The following BCKDHB variants were observed in gnomAD, a reference collection of about 807,000 sequenced individuals.
BCKDHB encodes branched chain keto acid dehydrogenase E1 subunit beta, also known as 2-oxoisovalerate dehydrogenase subunit beta, mitochondrial.
Under a neutral mutation model 48.5 loss-of-function variants are expected in BCKDHB, and 41 were observed. That is an observed-to-expected ratio of 0.85 (90% CI 0.66 to 1.10). The LOEUF (loss-of-function observed/expected upper bound fraction) is 1.10. Ranked by LOEUF, BCKDHB falls within the 50% of genes least tolerant of loss-of-function variation. The probability of loss-of-function intolerance (pLI) is 0.00; values close to 1 mark genes in which losing one functional copy is unlikely to be tolerated. For missense variants in BCKDHB, 496 were observed against 494.2 expected (o/e 1.00, Z -0.03); for synonymous variants, 201 against 174.8 (o/e 1.15, Z -1.18).
At chr6:80,215,110 G>T (rs1355087435) in intron 8 of BCKDHB, among the ~76,000 whole-genome samples, 1 of 152,152 alleles carries the variant, frequency 6.6e-6, no homozygotes, top group Non-Finnish European at 1.5e-5. Context: ...AGATCTGTTA[G>T]ACTTAAATGC....
intron 3 of BCKDHB, among the ~76,000 whole-genome samples, chr6:80,145,140 A>G (rs1166032343): frequency 1.3e-5 from 2 of 152,176 alleles, no homozygotes; most frequent in African/African-American, 2.4e-5. Flanking sequence ...ATTTGATCCA[A>G]CTGTTAGCAT....
intron 8 of BCKDHB, among the ~76,000 whole-genome samples, chr6:80,229,339 T>C (rs1775811188): frequency 6.6e-6 from 1 of 152,210 alleles, no homozygotes; most frequent in African/African-American, 2.4e-5. Context: ...TGACCACTGC[T>C]CTCAGGTGGT....
chr6:80,267,098 A>G (rs1777545655), intron 8 of BCKDHB, among the ~76,000 whole-genome samples: 1 of 152,116 alleles, frequency 6.6e-6, no homozygotes, highest in African/African-American at 2.4e-5. Context: ...AATTTGCTCA[A>G]TGTAATATCT....
intron 6 of BCKDHB, among the ~76,000 whole-genome samples, chr6:80,200,030 C>T (rs968611632): frequency 7.3e-6 from 1 of 136,280 alleles, no homozygotes; most frequent in Non-Finnish European, 1.5e-5. Context: ...CACCACTGCA[C>T]TCCAGCCTGG....
At chr6:80,431,754 A>T in the BCKDHB span, among the ~76,000 whole-genome samples, 1 of 152,116 alleles carries the variant, frequency 6.6e-6, no homozygotes, top group African/African-American at 2.4e-5. Context: ...CAGCACACTG[A>T]TGGGTCTTGA....
intron 6 of BCKDHB, among the ~76,000 whole-genome samples, chr6:80,175,488 T>G (rs1190242743): frequency 1.3e-5 from 2 of 152,234 alleles, no homozygotes; most frequent in East Asian, 3.9e-4. Flanking sequence ...GGAAGAGATC[T>G]GTTTGAAATA....
rs111691964 is a variant in BCKDHB at position 80,138,548 on chromosome 6, G to T, written c.343+9319G>T. On this transcript the variant is annotated intron_variant, in intron 3 of 9. Coordinates refer to ENST00000320393, the MANE Select transcript of BCKDHB (RefSeq NM_183050.4). The stretch of plus-strand genomic sequence containing the variant: ...TATGAGTGAGAATATGTGGTGTTTG[G>T]TTTTTTGTTCTTGCGATAGTTTACT... Among the ~76,000 whole-genome samples, 563 of 152,054 alleles carry T rather than the reference G, an allele frequency of 3.7e-3. 6 individuals carry two copies. Among genetic ancestry groups the T allele is most frequent in the African/African-American group, 0.013 (522 of 41,440 alleles).
chr6:80,196,039 A>G (rs1363780184), intron 6 of BCKDHB, among the ~76,000 whole-genome samples: 1 of 152,208 alleles, frequency 6.6e-6, no homozygotes, highest in Non-Finnish European at 1.5e-5. Context: ...GATTAGTGAC[A>G]GGGCAGAGAA....
intron 9 of BCKDHB, among the ~76,000 whole-genome samples, chr6:80,309,700 C>T (rs1193468514): frequency 6.6e-6 from 1 of 151,884 alleles, no homozygotes; most frequent in Non-Finnish European, 1.5e-5. Flanking sequence ...TATTCTTTAC[C>T]ATTTTACTTG....
intron 9 of BCKDHB, chr6:80,307,772 C>T: frequency 2.0e-6 from 2 of 984,456 alleles, no homozygotes; most frequent in Non-Finnish European, 2.4e-6. Context: ...GAAGCACACA[C>T]TTCATAATGG....
chr6:80,204,417 G>A (rs1048737448), intron 8 of BCKDHB, among the ~76,000 whole-genome samples: 9 of 152,016 alleles, frequency 5.9e-5, no homozygotes, highest in South Asian at 2.1e-4. Context: ...TGAAAATAAC[G>A]CTTTTTGCAG....
chr6:80,307,475 A>G (rs1047906108), intron 9 of BCKDHB: 2 of 985,044 alleles, frequency 2.0e-6, no homozygotes, highest in African/African-American at 1.7e-5. Context: ...TTTCTATTAC[A>G]TTTTTTTCAG....
chr6:80,346,134 A>T lies in BCKDHB; in HGVS notation c.*2330A>T, dbSNP rs1391993463. On this transcript the variant is annotated 3_prime_UTR_variant, in exon 10 of 10. Coordinates refer to ENST00000320393, the MANE Select transcript of BCKDHB (RefSeq NM_183050.4). ...ATTCTATTATTGTATTGTAACACACATGTATTGATGATTTTCATTAAGAGT... is the reference window on the plus strand; with the variant it reads ...ATTCTATTATTGTATTGTAACACACTTGTATTGATGATTTTCATTAAGAGT... 1 of 152,218 alleles carries T rather than the reference A, an allele frequency of 6.6e-6. No homozygotes were observed. Among genetic ancestry groups the T allele is most frequent in the African/African-American group, 2.4e-5 (1 of 41,462 alleles). 9.4% of individuals were successfully genotyped at this position (152,218 alleles called of 1,614,324 possible).
intron 8 of BCKDHB, among the ~76,000 whole-genome samples, chr6:80,238,084 G>T (rs991219230): frequency 6.6e-6 from 1 of 151,958 alleles, no homozygotes; most frequent in African/African-American, 2.4e-5. Context: ...GTATTGAGGA[G>T]ATTTTAATCT....
chr6:80,418,670 G>A, the BCKDHB span, among the ~76,000 whole-genome samples: 1 of 152,150 alleles, frequency 6.6e-6, no homozygotes, highest in East Asian at 1.9e-4. Flanking sequence ...CTGGGGAAAG[G>A]CCCAAAGTGC....
At chr6:80,155,281 A>G (rs1771986794) in intron 3 of BCKDHB, among the ~76,000 whole-genome samples, 1 of 152,150 alleles carries the variant, frequency 6.6e-6, no homozygotes, top group South Asian at 2.1e-4. Flanking sequence ...GACTTATTAC[A>G]TTCAGATTAG....
chr6:80,394,257 A>G, the BCKDHB span, among the ~76,000 whole-genome samples: 13 of 151,892 alleles, frequency 8.6e-5, no homozygotes, highest in Admixed American at 1.3e-4. Flanking sequence ...TATTTGTTCT[A>G]CTTTCTGGCA....
chr6:80,194,339 C>T (rs1446241357), intron 6 of BCKDHB, among the ~76,000 whole-genome samples: 1 of 152,150 alleles, frequency 6.6e-6, no homozygotes, highest in Non-Finnish European at 1.5e-5. Context: ...CCCATGTTAA[C>T]CTCATACATA....
At chr6:80,319,773 CTT>C (rs1016813353) in intron 9 of BCKDHB, among the ~76,000 whole-genome samples, 31 of 152,084 alleles carry the variant, frequency 2.0e-4, no homozygotes, top group African/African-American at 7.0e-4. Flanking sequence ...CTAAAAGGAA[CTT>C]TGATTTTTCT....
Sources: gnomAD v4.1 joint callset for allele counts (sites outside exome capture counted in the v4.1 genomes callset) on GRCh38, gnomAD v4.1.1 for gene constraint, MANE v1.5 for transcripts, NCBI Gene and HGNC (gene_info 2026-07-23, HGNC 2026-07-21) for gene names.